ZFHX3: variants seen among roughly 807,000 people sequenced by gnomAD.
ZFHX3 encodes zinc finger homeobox 3.
A neutral mutation model predicts 279.1 loss-of-function variants in ZFHX3; 42 were observed. That is an observed-to-expected ratio of 0.15 (90% CI 0.12 to 0.19). The LOEUF (loss-of-function observed/expected upper bound fraction) is 0.19. ZFHX3 is among the 10% of genes least tolerant of loss of function. The pLI is 1.00. For missense variants in ZFHX3, 4,981 were observed against 4,754.0 expected (o/e 1.05, Z -1.40); for synonymous variants, 2,293 against 1,957.8 (o/e 1.17, Z -4.52).
intron 3 of ZFHX3, among the ~76,000 whole-genome samples, chr16:73,405,644 AT>A (rs986774872): frequency 2.0e-5 from 3 of 152,012 alleles, no homozygotes; most frequent in Non-Finnish European, 4.4e-5. Context: ...AGTCATTGCA[AT>A]GGGGCCCTGC....
intron 3 of ZFHX3, among the ~76,000 whole-genome samples, chr16:72,890,962 G>C (rs947126875): frequency 6.6e-6 from 1 of 152,200 alleles, no homozygotes; most frequent in Non-Finnish European, 1.5e-5. Flanking sequence ...CCTGCTTCAG[G>C]TAATAGCCTC....
At chr16:73,803,959 C>T (rs1330544384) in intron 1 of ZFHX3, among the ~76,000 whole-genome samples, 2 of 152,108 alleles carry the variant, frequency 1.3e-5, no homozygotes, top group African/African-American at 2.4e-5. Flanking sequence ...CAGGATGAGA[C>T]CAGTCTGGGC....
chr16:72,846,855 A>G (rs937559126), intron 4 of ZFHX3, among the ~76,000 whole-genome samples: 2 of 152,170 alleles, frequency 1.3e-5, no homozygotes, highest in East Asian at 3.8e-4. Flanking sequence ...GAAGAAACAC[A>G]AAGAGGGGAA....
chr16:73,605,258 G>T (rs971287614), intron 2 of ZFHX3, among the ~76,000 whole-genome samples: 2 of 152,168 alleles, frequency 1.3e-5, no homozygotes, highest in East Asian at 3.8e-4. Flanking sequence ...CGGCAGCAGG[G>T]AACTTAAAAG....
intron 4 of ZFHX3, among the ~76,000 whole-genome samples, chr16:73,287,405 C>T (rs1442683998): frequency 1.0e-5 from 1 of 98,004 alleles, no homozygotes; most frequent in African/African-American, 4.1e-5. Flanking sequence ...GGGTGTGTGG[C>T]TGTGTGGGGT....
At chr16:73,751,810 C>G (rs187798393) in intron 1 of ZFHX3, among the ~76,000 whole-genome samples, 1 of 152,274 alleles carries the variant, frequency 6.6e-6, no homozygotes, top group East Asian at 1.9e-4. Flanking sequence ...CAGATCCAGC[C>G]TCCCTTGTAT....
At chr16:73,770,549 A>G (rs1208862680) in intron 1 of ZFHX3, among the ~76,000 whole-genome samples, 1 of 152,212 alleles carries the variant, frequency 6.6e-6, no homozygotes, top group Non-Finnish European at 1.5e-5. Context: ...AAACATTTAG[A>G]TAATAATATC....
intron 1 of ZFHX3, among the ~76,000 whole-genome samples, chr16:73,689,803 GTTTT>G (rs1441884310): frequency 6.7e-6 from 1 of 148,602 alleles, no homozygotes; most frequent in Non-Finnish European, 1.5e-5. Context: ...AGGACATACA[GTTTT>G]TTGTTTTTTG....
At chr16:73,027,386 G>A (rs113502614) in intron 1 of ZFHX3, among the ~76,000 whole-genome samples, 105 of 152,286 alleles carry the variant, frequency 6.9e-4, no homozygotes, top group Admixed American at 1.8e-3. Flanking sequence ...AACACCAAAC[G>A]TAACCCAGGC....
At chr16:73,472,144 C>T (rs2018678760) in intron 2 of ZFHX3, among the ~76,000 whole-genome samples, 1 of 152,012 alleles carries the variant, frequency 6.6e-6, no homozygotes, top group South Asian at 2.1e-4. Flanking sequence ...CCAACTTCTA[C>T]CCCCAAGTTC....
chr16:73,830,781 C>T (rs1597134510), intron 1 of ZFHX3, among the ~76,000 whole-genome samples: 2 of 152,166 alleles, frequency 1.3e-5, no homozygotes, highest in African/African-American at 4.8e-5. Flanking sequence ...TTATTGCATT[C>T]CAAATCCTGG....
chr16:73,711,893 C>G (rs1178201833), intron 1 of ZFHX3, among the ~76,000 whole-genome samples: 1 of 152,174 alleles, frequency 6.6e-6, no homozygotes, highest in Non-Finnish European at 1.5e-5. Context: ...TAAAGGGGCC[C>G]TCCAGCCCCA....
At chr16:73,014,869 G>C (rs891703034) in intron 1 of ZFHX3, among the ~76,000 whole-genome samples, 1 of 151,822 alleles carries the variant, frequency 6.6e-6, no homozygotes, top group African/African-American at 2.4e-5. Flanking sequence ...TGGAGAAAGG[G>C]GGACAGAACC....
intron 1 of ZFHX3, among the ~76,000 whole-genome samples, chr16:73,761,664 C>A (rs1459648642): frequency 1.3e-5 from 2 of 152,084 alleles, no homozygotes; most frequent in Non-Finnish European, 2.9e-5. Flanking sequence ...GAATAAAGAA[C>A]TCAGAAATAA....
At chr16:73,105,223 C>T (rs1966280048) in intron 7 of ZFHX3, among the ~76,000 whole-genome samples, 1 of 149,030 alleles carries the variant, frequency 6.7e-6, no homozygotes, top group Non-Finnish European at 1.5e-5. Flanking sequence ...CTGGGCAACA[C>T]AGCGAGACAC....
intron 3 of ZFHX3, among the ~76,000 whole-genome samples, chr16:73,320,922 C>T (rs764964073): frequency 7.2e-5 from 11 of 152,176 alleles, no homozygotes; most frequent in South Asian, 4.1e-4. Flanking sequence ...TAGTTTCTGA[C>T]GACAGAGATC....
chr16:73,134,038 C>T (rs4442843), intron 6 of ZFHX3, among the ~76,000 whole-genome samples: 3,786 of 152,184 alleles, frequency 0.025, 156 homozygotes, highest in African/African-American at 0.086. Flanking sequence ...TATGTCTACG[C>T]CTATATCTAA....
At chr16:72,920,807 T>C (rs967441414) in intron 3 of ZFHX3, among the ~76,000 whole-genome samples, 15 of 152,096 alleles carry the variant, frequency 9.9e-5, no homozygotes, top group African/African-American at 3.4e-4. Flanking sequence ...AGGTGGCTCA[T>C]GCCTGTAATC....
Position 73,788,082 on chromosome 16 carries a change from G to A in ZFHX3, c.-1608+103569C>T, listed in dbSNP as rs368188692. 3.3e-5 allele frequency among the ~76,000 whole-genome samples: 5 copies of A among 152,234 alleles called. No homozygotes were observed. The South Asian group carries it at 6.2e-4, about 19-fold the overall frequency. The stretch of plus-strand genomic sequence containing the variant: ...AAAACAACATGGTGCCCTCACCACC[G>A]CTAGATCTGAAGGTGCCACCAGAAC... On this transcript the variant is annotated intron_variant, in intron 1 of 17. Coordinates refer to the ZFHX3 transcript ENST00000641206.
Sources: gnomAD v4.1 joint callset for allele counts (sites outside exome capture counted in the v4.1 genomes callset) on GRCh38, gnomAD v4.1.1 for gene constraint, MANE v1.5 for transcripts, NCBI Gene and HGNC (gene_info 2026-07-23, HGNC 2026-07-21) for gene names.